Variants in TULP4 observed in about 807,000 individuals in gnomAD.
The protein encoded by TULP4 is tubby-related protein 4.
Under a neutral mutation model 129.0 loss-of-function variants are expected in TULP4, and 16 were observed. That is an observed-to-expected ratio of 0.12 (90% CI 0.08 to 0.19). The LOEUF is 0.19. Ranked by LOEUF, TULP4 falls within the 10% of genes least tolerant of loss-of-function variation. The pLI is 1.00. For synonymous variants in TULP4, 998 were observed against 854.0 expected (o/e 1.17, Z -2.94); for missense variants, 1,842 against 2,059.1 (o/e 0.89, Z 2.04).
chr6:158,260,944 C>G (rs1474637551), intron 1 of TULP4, among the ~76,000 whole-genome samples: 1 of 145,476 alleles, frequency 6.9e-6, no homozygotes, highest in Non-Finnish European at 1.5e-5. Flanking sequence ...CCTCAGCCTC[C>G]CGAGTAGCTG....
chr6:158,366,127 T>A (rs1301129043), intron 1 of TULP4, among the ~76,000 whole-genome samples: 5 of 151,864 alleles, frequency 3.3e-5, no homozygotes, highest in East Asian at 1.9e-4. Context: ...ATGGTCTCGA[T>A]CTCCTGATGT....
At chr6:158,240,823 G>T (rs1457078836) in intron 1 of TULP4, among the ~76,000 whole-genome samples, 3 of 150,518 alleles carry the variant, frequency 2.0e-5, no homozygotes, top group African/African-American at 7.3e-5. Context: ...CTCCCGGATG[G>T]CATGGCTGGC....
intron 1 of TULP4, among the ~76,000 whole-genome samples, chr6:158,314,651 C>G (rs1035307261): frequency 1.3e-5 from 2 of 152,172 alleles, no homozygotes; most frequent in African/African-American, 2.4e-5. Flanking sequence ...AAGAGTTACC[C>G]CCACCCCTGA....
upstream of TULP4, among the ~76,000 whole-genome samples, chr6:158,278,387 GTTT>G: frequency 7.1e-6 from 1 of 140,456 alleles, no homozygotes; most frequent in African/African-American, 2.6e-5. Context: ...GAAAATACTA[GTTT>G]TTTTTTTTTT....
At chr6:158,240,364 C>T (rs1777858098) in intron 1 of TULP4, among the ~76,000 whole-genome samples, 1 of 80,142 alleles carries the variant, frequency 1.2e-5, no homozygotes. Context: ...CCACCTCCCT[C>T]CCGGACCGGG....
intron 5 of TULP4, among the ~76,000 whole-genome samples, chr6:158,456,140 A>G (rs1271709698): frequency 6.6e-6 from 1 of 152,196 alleles, no homozygotes; most frequent in Non-Finnish European, 1.5e-5. Context: ...TAGGAACTGA[A>G]CAGGACTTGT....
intron 1 of TULP4, among the ~76,000 whole-genome samples, chr6:158,369,356 C>T (rs1777019251): frequency 6.6e-6 from 1 of 152,116 alleles, no homozygotes; most frequent in African/African-American, 2.4e-5. Flanking sequence ...AAAATAATAG[C>T]TGGATATGGT....
rs111726745 is a variant in TULP4 at position 158,237,723 on chromosome 6, A to G, written n.68+5420A>G. 4.1e-3 allele frequency: 3,772 copies of G among 922,600 alleles called. 102 individuals carry two copies. In the African/African-American group the frequency reaches 0.054, roughly 13 times the overall value. 57.2% of individuals were successfully genotyped at this position (922,600 alleles called of 1,614,324 possible). On this transcript the variant is annotated intron_variant and non_coding_transcript_variant, in intron 1 of 1. Transcript: ENST00000620026. ...CCTTTCCTTGTTCCTTTGGTTGACT[A>G]TCTCTAGTAACTTTTCCACCCTTCC...
intron 6 of TULP4, among the ~76,000 whole-genome samples, chr6:158,464,611 G>A (rs1264449622): frequency 2.6e-5 from 4 of 152,202 alleles, no homozygotes; most frequent in Admixed American, 6.5e-5. Flanking sequence ...CTGTTGACCA[G>A]GCTGGTCTCC....
chr6:158,419,731 C>T (rs572091826), intron 2 of TULP4, among the ~76,000 whole-genome samples: 35 of 152,154 alleles, frequency 2.3e-4, no homozygotes, highest in African/African-American at 6.7e-4. Context: ...TTATTTGGTT[C>T]GTAGAAGACA....
At chr6:158,401,080 G>GTTGTTT (rs777128033) in intron 1 of TULP4, among the ~76,000 whole-genome samples, 2,579 of 143,250 alleles carry the variant, frequency 0.018, 35 homozygotes, top group Non-Finnish European at 0.026. Flanking sequence ...TGTTGTTGTT[G>GTTGTTT]TTGTTTTGTT....
At chr6:158,234,325 G>A (rs1020950888) in intron 1 of TULP4, among the ~76,000 whole-genome samples, 1 of 133,980 alleles carries the variant, frequency 7.5e-6, no homozygotes, top group Non-Finnish European at 1.7e-5. Context: ...TTGATGCTGA[G>A]ATGGCGAGTA....
In TULP4 at chr6:158,508,217, T is replaced by A. The variant is rs1164528407; in HGVS notation, c.*1523T>A. Reference sequence around the variant, plus strand: ...GTCTTACCTGTGATGTTGTTTAGGATCAGGCCCCTCTCCTGGGCCTGCTGT... The same window carrying A: ...GTCTTACCTGTGATGTTGTTTAGGAACAGGCCCCTCTCCTGGGCCTGCTGT... On this transcript the variant is annotated 3_prime_UTR_variant, in exon 14 of 14. Coordinates refer to ENST00000367097, the MANE Select transcript of TULP4 (RefSeq NM_020245.5). The A allele has an allele frequency of 6.6e-6, 1 of 152,222 alleles. No homozygotes were observed. 9.4% of individuals were successfully genotyped at this position (152,222 alleles called of 1,614,324 possible). A position where few individuals can be genotyped will look rare whatever the true frequency, so the allele number is the denominator to read the frequency against.
intron 1 of TULP4, among the ~76,000 whole-genome samples, chr6:158,327,018 G>A (rs1174913419): frequency 2.0e-5 from 3 of 152,140 alleles, no homozygotes; most frequent in African/African-American, 7.2e-5. Context: ...TTGGGTATAC[G>A]TGCACAGTCC....
intron 1 of TULP4, among the ~76,000 whole-genome samples, chr6:158,292,918 T>C (rs1434547025): frequency 6.6e-6 from 1 of 152,202 alleles, no homozygotes; most frequent in Non-Finnish European, 1.5e-5. Flanking sequence ...TATTATTTCT[T>C]TCAGACTTCG....
chr6:158,263,823 G>A (rs1778395834), intron 1 of TULP4, among the ~76,000 whole-genome samples: 1 of 152,014 alleles, frequency 6.6e-6, no homozygotes, highest in African/African-American at 2.4e-5. Context: ...AGCACTTTGG[G>A]AGGCCTAGGC....
chr6:158,262,179 C>T (rs1325410753), intron 1 of TULP4, among the ~76,000 whole-genome samples: 1 of 152,174 alleles, frequency 6.6e-6, no homozygotes, highest in African/African-American at 2.4e-5. Context: ...GCCTTCATTC[C>T]CTGACATCGT....
chr6:158,239,226 G>GT, intron 1 of TULP4, among the ~76,000 whole-genome samples: 1 of 80,762 alleles, frequency 1.2e-5, no homozygotes, highest in Non-Finnish European at 2.7e-5. Context: ...GGCTGGCCGG[G>GT]CGGGGGGCTG....
At chr6:158,492,221 C>T (rs960201254) in intron 9 of TULP4, among the ~76,000 whole-genome samples, 2 of 152,170 alleles carry the variant, frequency 1.3e-5, no homozygotes, top group Non-Finnish European at 2.9e-5. Flanking sequence ...TAGTCCAGCA[C>T]GTGGCATTCT....
Sources: gnomAD v4.1 joint callset for allele counts (sites outside exome capture counted in the v4.1 genomes callset) on GRCh38, gnomAD v4.1.1 for gene constraint, MANE v1.5 for transcripts, NCBI Gene and HGNC (gene_info 2026-07-23, HGNC 2026-07-21) for gene names.